BRINP3: variants seen among roughly 807,000 people sequenced by gnomAD.
BRINP3 encodes BMP/retinoic acid inducible neural specific 3.
BRINP3 carries 19 observed loss-of-function variants against 71.0 expected under a neutral mutation model. That is an observed-to-expected ratio of 0.27 (90% confidence interval 0.19 to 0.39). The LOEUF (loss-of-function observed/expected upper bound fraction) is 0.39, where lower values mean the gene tolerates loss of function less well. BRINP3 is among the 10% of genes least tolerant of loss of function. The pLI, the probability that BRINP3 is intolerant of heterozygous loss-of-function variation, is 1.00. For synonymous variants in BRINP3, 380 were observed against 337.7 expected (o/e 1.13, Z -1.37); for missense variants, 959 against 940.8 (o/e 1.02, Z -0.25).
chr1:190,184,780 T>C (rs1235221272), intron 6 of BRINP3, among the ~76,000 whole-genome samples: 1 of 152,122 alleles, frequency 6.6e-6, no homozygotes, highest in Non-Finnish European at 1.5e-5. Context: ...AAACTACCTA[T>C]CATATACTAT....
At chr1:190,311,410 G>A (rs1056990065) in intron 2 of BRINP3, among the ~76,000 whole-genome samples, 1 of 151,556 alleles carries the variant, frequency 6.6e-6, no homozygotes, top group Non-Finnish European at 1.5e-5. Flanking sequence ...AAGGCAGAAT[G>A]TAAGGAGATA....
chr1:190,250,483 A>G (rs1221306377), intron 4 of BRINP3, among the ~76,000 whole-genome samples: 1 of 151,896 alleles, frequency 6.6e-6, no homozygotes, highest in Non-Finnish European at 1.5e-5. Flanking sequence ...GTCTCTACTC[A>G]CTTCCTTTCC....
chr1:190,225,353 T>A (rs1254789832), intron 6 of BRINP3, among the ~76,000 whole-genome samples: 2 of 151,878 alleles, frequency 1.3e-5, no homozygotes, highest in Non-Finnish European at 2.9e-5. Context: ...GCCTTTATAT[T>A]AAGTGAAATA....
intron 7 of BRINP3, among the ~76,000 whole-genome samples, chr1:190,128,902 AG>A (rs2102343840): frequency 6.6e-6 from 1 of 151,896 alleles, no homozygotes; most frequent in South Asian, 2.1e-4. Flanking sequence ...AGATCAAAAA[AG>A]ATCTTTATAC....
chr1:190,262,774 G>A lies in BRINP3; in HGVS notation c.618+2091C>T, dbSNP rs186008412. Among the ~76,000 whole-genome samples, 106 of 152,072 alleles carry A rather than the reference G, an allele frequency of 7.0e-4. 2 individuals carry two copies. Among genetic ancestry groups the A allele is most frequent in the Non-Finnish European group, 1.0e-3 (68 of 67,998 alleles). ...TATAAGTGTCACTTCTTTGGGACTCGTTTTGACCACACAGCTAGATTATAG... is the reference window on the plus strand; with the variant it reads ...TATAAGTGTCACTTCTTTGGGACTCATTTTGACCACACAGCTAGATTATAG... On this transcript the variant is annotated intron_variant, in intron 4 of 7. Transcript: ENST00000367462.
At chr1:190,335,534 A>T (rs969378156) in intron 2 of BRINP3, among the ~76,000 whole-genome samples, 4 of 151,826 alleles carry the variant, frequency 2.6e-5, no homozygotes, top group African/African-American at 9.7e-5. Flanking sequence ...GTTAAGTTTG[A>T]TGAATATTTA....
At chr1:190,189,011 C>T (rs1232059560) in intron 6 of BRINP3, among the ~76,000 whole-genome samples, 1 of 152,044 alleles carries the variant, frequency 6.6e-6, no homozygotes, top group Non-Finnish European at 1.5e-5. Flanking sequence ...CTGCCTGCCT[C>T]GACCTCCCAA....
intron 2 of BRINP3, among the ~76,000 whole-genome samples, chr1:190,386,245 A>T (rs1017280147): frequency 3.1e-5 from 3 of 96,642 alleles, no homozygotes; most frequent in Non-Finnish European, 7.5e-5. Context: ...AAAGAAAAAA[A>T]AACTTAAAAA....
chr1:190,443,074 G>A (rs1674943156), intron 2 of BRINP3, among the ~76,000 whole-genome samples: 1 of 151,632 alleles, frequency 6.6e-6, no homozygotes, highest in East Asian at 2.0e-4. Context: ...CACTGCACCC[G>A]TCTACATTTT....
intron 6 of BRINP3, among the ~76,000 whole-genome samples, chr1:190,162,779 T>C (rs1197655338): frequency 6.6e-6 from 1 of 152,180 alleles, no homozygotes; most frequent in Non-Finnish European, 1.5e-5. Context: ...AAAGTGAGTA[T>C]AACAATGTAT....
At position 190,396,963 on chromosome 1, in the gene BRINP3, T is replaced by G. The variant is rs889967809; in HGVS notation, c.236+57692A>C. 1.3e-5 allele frequency among the ~76,000 whole-genome samples: 2 copies of G among 151,730 alleles called. 1 individual carries two copies. The highest frequency in any genetic ancestry group is 4.1e-4 in the South Asian group (2 of 4,820). On this transcript the variant is annotated intron_variant, in intron 2 of 7. Coordinates refer to ENST00000367462, the MANE Select transcript of BRINP3 (RefSeq NM_199051.3). ...GCTTCACATTTCTCCATTTTTAAAA[T>G]GTCTCTTCAAGACAAAGGGGATGTA...
At chr1:190,152,741 C>G (rs1656524843) in intron 7 of BRINP3, among the ~76,000 whole-genome samples, 1 of 151,910 alleles carries the variant, frequency 6.6e-6, no homozygotes, top group Admixed American at 6.6e-5. Flanking sequence ...TGAAGAAAAG[C>G]AAGCACAACA....
chr1:190,327,561 A>T (rs1043674234), intron 2 of BRINP3, among the ~76,000 whole-genome samples: 1 of 151,792 alleles, frequency 6.6e-6, no homozygotes, highest in African/African-American at 2.4e-5. Flanking sequence ...ACAACAGTAA[A>T]AAAGGAAAAA....
chr1:190,278,479 G>C (rs1176614746), intron 3 of BRINP3, among the ~76,000 whole-genome samples: 1 of 151,602 alleles, frequency 6.6e-6, no homozygotes, highest in South Asian at 2.1e-4. Flanking sequence ...AAGTACAATA[G>C]CAATAATTTT....
chr1:190,249,272 A>G (rs1295669078), intron 4 of BRINP3, among the ~76,000 whole-genome samples: 1 of 151,794 alleles, frequency 6.6e-6, no homozygotes, highest in South Asian at 2.1e-4. Flanking sequence ...CAGCACAGAC[A>G]CTGAATAAAC....
intron 2 of BRINP3, among the ~76,000 whole-genome samples, chr1:190,433,136 G>A (rs1674214984): frequency 6.6e-6 from 1 of 152,062 alleles, no homozygotes; most frequent in Admixed American, 6.6e-5. Flanking sequence ...TTTGTTTTAT[G>A]GACCCCTGTC....
In BRINP3 at chr1:190,278,550, TATTTA is replaced by T. The variant is rs559974203; in HGVS notation, c.427+3005_427+3009del. ...TCGCAGATATCTTATATCCTTAAGC[TATTTA>T]AATAATTTCATGCATCTTAACTGAA... On this transcript the variant is annotated intron_variant, in intron 3 of 7. Transcript: ENST00000367462. Among the ~76,000 whole-genome samples, 289 of 151,782 alleles carry T rather than the reference TATTTA, an allele frequency of 1.9e-3. 1 individual carries two copies. The highest frequency in any genetic ancestry group is 3.6e-3 in the Non-Finnish European group (247 of 67,764).
At chr1:190,416,057 T>C (rs1313505003) in intron 2 of BRINP3, among the ~76,000 whole-genome samples, 3 of 152,162 alleles carry the variant, frequency 2.0e-5, no homozygotes, top group African/African-American at 7.2e-5. Context: ...TTGGTCCCCC[T>C]TGAATGCCTT....
intron 7 of BRINP3, among the ~76,000 whole-genome samples, chr1:190,158,657 A>C (rs1366977406): frequency 1.3e-5 from 2 of 152,210 alleles, no homozygotes; most frequent in African/African-American, 4.8e-5. Flanking sequence ...AAAAGGTGAA[A>C]ATTCTCAAAT....
Sources: allele counts gnomAD v4.1 joint callset (sites outside exome capture counted in the v4.1 genomes callset), GRCh38; gene constraint gnomAD v4.1.1; transcripts MANE v1.5; gene names NCBI Gene and HGNC (gene_info 2026-07-23, HGNC 2026-07-21).